STRN: variants seen among roughly 807,000 people sequenced by gnomAD.
STRN encodes striatin.
STRN carries 53 observed loss-of-function variants against 96.3 expected under a neutral mutation model. The ratio of observed to expected loss-of-function variants is 0.55; its 90% CI spans 0.44 to 0.69. The LOEUF is 0.69. STRN is among the 30% of genes least tolerant of loss of function. The probability of loss-of-function intolerance (pLI) is 0.00; values close to 1 mark genes in which losing one functional copy is unlikely to be tolerated. For missense variants in STRN, 987 were observed against 963.9 expected (o/e 1.02, Z -0.32); for synonymous variants, 428 against 355.9 (o/e 1.20, Z -2.28).
intron 10 of STRN, among the ~76,000 whole-genome samples, chr2:36,873,966 C>G (rs1467038735): frequency 7.2e-6 from 1 of 139,710 alleles, no homozygotes; most frequent in Non-Finnish European, 1.6e-5. Context: ...ATTCAAGAAG[C>G]AAAAACCAGC....
At chr2:36,938,679 T>C (rs1364005879) in intron 1 of STRN, among the ~76,000 whole-genome samples, 3 of 152,210 alleles carry the variant, frequency 2.0e-5, no homozygotes, top group African/African-American at 7.2e-5. Flanking sequence ...TCCTGTTTAA[T>C]GTTTAAGAAT....
At chr2:36,910,474 G>A (rs971923526) in intron 3 of STRN, among the ~76,000 whole-genome samples, 1 of 152,078 alleles carries the variant, frequency 6.6e-6, no homozygotes, top group African/African-American at 2.4e-5. Flanking sequence ...GAGGAGAAAC[G>A]GAAGTACACT....
At chr2:36,915,272 T>TATATATATATAA (rs1553401128) in intron 3 of STRN, among the ~76,000 whole-genome samples, 1 of 124,714 alleles carries the variant, frequency 8.0e-6, no homozygotes, top group African/African-American at 3.2e-5. Context: ...TATATATATA[T>TATATATATATAA]AAAGCCTCTA....
At chr2:36,944,737 T>C (rs1362633162) in intron 1 of STRN, among the ~76,000 whole-genome samples, 1 of 152,010 alleles carries the variant, frequency 6.6e-6, no homozygotes, top group Non-Finnish European at 1.5e-5. Flanking sequence ...GCTCCTTAGA[T>C]GGAATACAAA....
At chr2:36,896,510 T>G (rs1669543917) in intron 6 of STRN, among the ~76,000 whole-genome samples, 1 of 152,176 alleles carries the variant, frequency 6.6e-6, no homozygotes, top group Non-Finnish European at 1.5e-5. Context: ...AAGGTTCCAC[T>G]CCACTTCTAC....
intron 9 of STRN, among the ~76,000 whole-genome samples, chr2:36,878,991 G>A (rs192341573): frequency 2.5e-4 from 38 of 151,880 alleles, no homozygotes; most frequent in African/African-American, 8.9e-4. Flanking sequence ...GACCTCAAGT[G>A]ATCCACCTGA....
At chr2:36,952,855 C>G (rs1664792969) in intron 1 of STRN, among the ~76,000 whole-genome samples, 1 of 152,152 alleles carries the variant, frequency 6.6e-6, no homozygotes, top group Non-Finnish European at 1.5e-5. Flanking sequence ...AGCTTTACAC[C>G]AATCCACATT....
chr2:36,869,441 GA>G, intron 11 of STRN, 112 bp downstream of exon 11: 2 of 1,036,632 alleles, frequency 1.9e-6, no homozygotes, highest in Non-Finnish European at 2.7e-6. Flanking sequence ...TGACATGGAA[GA>G]AAGAACTAGA....
At chr2:36,924,089 G>C (rs1670334774) in intron 2 of STRN, among the ~76,000 whole-genome samples, 1 of 152,144 alleles carries the variant, frequency 6.6e-6, no homozygotes, top group African/African-American at 2.4e-5. Context: ...GGGCATGGTG[G>C]CTCACGCCTG....
Position 36,841,451 on chromosome 2 carries a change from T to G in STRN, c.*8005A>C, listed in dbSNP as rs1418666643. ...GTCAAAAGATATGAGACCACCGAGT[T>G]TTTCTTTTTCTAAAAATCACACTGA... On this transcript the variant is annotated 3_prime_UTR_variant, in exon 18 of 18. Transcript: ENST00000263918. 2.0e-5 allele frequency: 3 copies of G among 152,160 alleles called. No homozygotes were observed. Among genetic ancestry groups the G allele is most frequent in the Admixed American group, 2.0e-4 (3 of 15,274 alleles). The allele number at this position is 152,160 out of a possible 1,614,324, so 9.4% of individuals were successfully genotyped here.
At chr2:36,905,478 A>G (rs1669796785) in intron 4 of STRN, 62 bp downstream of exon 4, 1 of 1,450,412 alleles carries the variant, frequency 6.9e-7, no homozygotes, top group South Asian at 1.1e-5. Context: ...CACAGTAAAA[A>G]TAACTTCATA....
rs1667861985 is a variant in STRN at position 36,838,087 on chromosome 2, C to T, written c.*11369G>A. Among the ~76,000 whole-genome samples the T allele has an allele frequency of 6.6e-6, 1 of 152,128 alleles. No homozygotes were observed. The highest frequency in any genetic ancestry group is 1.5e-5 in the Non-Finnish European group (1 of 68,020). On this transcript the variant is annotated 3_prime_UTR_variant, in exon 18 of 18. Transcript: ENST00000263918. ...ACAATCTGGGTGTGCTTAAACTAGT[C>T]ACAAGAGCCCTTTAAAAGCAGTTTT...
chr2:36,873,208 CA>C (rs1446921679), intron 10 of STRN, among the ~76,000 whole-genome samples: 2 of 152,184 alleles, frequency 1.3e-5, no homozygotes, highest in African/African-American at 4.8e-5. Flanking sequence ...CCAGTGGCTG[CA>C]TACATCTGAG....
chr2:36,946,542 C>G (rs1413105907), intron 1 of STRN, among the ~76,000 whole-genome samples: 1 of 152,064 alleles, frequency 6.6e-6, no homozygotes, highest in Non-Finnish European at 1.5e-5. Flanking sequence ...AAGGTAAGCG[C>G]AAGCTCAATA....
At chr2:36,914,809 T>C (rs921570198) in intron 3 of STRN, among the ~76,000 whole-genome samples, 3 of 152,180 alleles carry the variant, frequency 2.0e-5, no homozygotes, top group Non-Finnish European at 4.4e-5. Context: ...GGCAAGTTTT[T>C]CCACTTCTCT....
rs1014754277 is a variant in STRN, at chr2:36,900,136, G to A, written c.660-478C>T. ...ATTCCTGAGCCCAAGTGATTCGCCC[G>A]CCTCAGCCTCAGCCTCCCAAAGTGC... is the stretch of plus-strand genomic sequence containing the variant. On this transcript the variant is annotated intron_variant, in intron 5 of 17. Coordinates refer to ENST00000263918, the MANE Select transcript of STRN (RefSeq NM_003162.4). 3.3e-5 allele frequency among the ~76,000 whole-genome samples: 5 copies of A among 151,922 alleles called. 1 individual carries two copies. The highest frequency in any genetic ancestry group is 6.6e-5 in the Admixed American group (1 of 15,244).
chr2:36,946,459 G>A (rs1022534326), intron 1 of STRN, among the ~76,000 whole-genome samples: 2 of 152,074 alleles, frequency 1.3e-5, no homozygotes, highest in African/African-American at 4.8e-5. Context: ...TTAAGTATAG[G>A]ATATCTCTAC....
At chr2:36,851,421 T>C (rs1195449320) in intron 15 of STRN, among the ~76,000 whole-genome samples, 2 of 152,006 alleles carry the variant, frequency 1.3e-5, no homozygotes, top group African/African-American at 4.8e-5. Context: ...AGATGGAAGT[T>C]GCAGTGAGCC....
chr2:36,950,347 C>T (rs985308056), intron 1 of STRN, among the ~76,000 whole-genome samples: 1 of 151,310 alleles, frequency 6.6e-6, no homozygotes, highest in African/African-American at 2.4e-5. Context: ...TCCTGAGTAG[C>T]TGGGATTACA....
Sources: gnomAD v4.1 joint callset for allele counts (sites outside exome capture counted in the v4.1 genomes callset) on GRCh38, gnomAD v4.1.1 for gene constraint, MANE v1.5 for transcripts, NCBI Gene and HGNC (gene_info 2026-07-23, HGNC 2026-07-21) for gene names.